Variants in NCOA1 observed in about 807,000 individuals in gnomAD.
The protein encoded by NCOA1 is nuclear receptor coactivator 1, also known as Hin-2 protein.
Under a neutral mutation model 150.9 loss-of-function variants are expected in NCOA1, and 35 were observed. The observed-to-expected ratio is 0.23, with a 90% CI of 0.18 to 0.31. NCOA1 has a LOEUF of 0.31. NCOA1 is among the 10% of genes least tolerant of loss of function. The pLI, the probability that NCOA1 is intolerant of heterozygous loss-of-function variation, is 1.00. For missense variants in NCOA1, 1,491 were observed against 1,749.3 expected, an observed-to-expected ratio of 0.85 and a Z score of 2.63; for synonymous variants, 590 against 630.0, an observed-to-expected ratio of 0.94 and a Z score of 0.95.
chr2:24,608,597 A>G (rs981060505), intron 3 of NCOA1, among the ~76,000 whole-genome samples: 3 of 151,350 alleles, frequency 2.0e-5, no homozygotes, highest in Admixed American at 1.3e-4. Context: ...TTGCATTACC[A>G]TGGTACATTT....
chr2:24,644,156 G>A (rs899807318), intron 4 of NCOA1, 34 bp downstream of exon 4: 3 of 152,150 alleles, frequency 2.0e-5, no homozygotes, highest in African/African-American at 7.2e-5. Context: ...AAAGAGCTTT[G>A]TCTCTGCAAA....
chr2:24,601,628 TTTTC>T (rs1235510780), intron 3 of NCOA1, among the ~76,000 whole-genome samples: 3 of 148,848 alleles, frequency 2.0e-5, no homozygotes, highest in African/African-American at 7.4e-5. Flanking sequence ...TTTTTTTTTG[TTTTC>T]TTTCTTTCTT....
intron 3 of NCOA1, among the ~76,000 whole-genome samples, chr2:24,636,330 T>C (rs978862996): frequency 6.6e-6 from 1 of 152,198 alleles, no homozygotes; most frequent in Non-Finnish European, 1.5e-5. Flanking sequence ...GTATTTTGTT[T>C]TTGATGCTAT....
At chr2:24,751,031 A>C (rs1347045093) in intron 19 of NCOA1, among the ~76,000 whole-genome samples, 2 of 147,586 alleles carry the variant, frequency 1.4e-5, no homozygotes, top group Admixed American at 6.8e-5. Context: ...TCTGTCACCC[A>C]GGGTGGTGTG....
chr2:24,691,969 A>G (rs570004218), intron 9 of NCOA1, among the ~76,000 whole-genome samples: 1 of 152,366 alleles, frequency 6.6e-6, no homozygotes, highest in East Asian at 1.9e-4. Context: ...CCAGTTGGAA[A>G]TGTACCAGAT....
chr2:24,491,485 G>C lies in NCOA1; in HGVS notation c.-513G>C, dbSNP rs1013401253. 1.2e-3 allele frequency among the ~76,000 whole-genome samples: 1 copy of C among 804 alleles called. No homozygotes were observed. The highest frequency in any genetic ancestry group is 0.013 in the Admixed American group (1 of 76). 0.5% of individuals were successfully genotyped at this position (804 alleles called of 152,430 possible). On this transcript the variant is annotated 5_prime_UTR_variant, in exon 1 of 23. Transcript: ENST00000348332. ...GCGGGGGGACCCCTGCTCCGGAGGA[G>C]GGGGCCGGAGAGCCGCGGCGCCGGG... is the stretch of plus-strand genomic sequence containing the variant.
intron 8 of NCOA1, among the ~76,000 whole-genome samples, chr2:24,691,043 C>G (rs769829628): frequency 6.6e-6 from 1 of 152,100 alleles, no homozygotes. Context: ...GGTGCACATC[C>G]ACACAAAAGC....
rs2148290325 is a variant in NCOA1 at position 24,575,082 on chromosome 2, T to A, written c.-259-9394T>A. 1.2e-4 allele frequency among the ~76,000 whole-genome samples: 6 copies of A among 48,188 alleles called. 1 individual carries two copies. The Admixed American group carries it at 2.2e-3, about 17-fold the overall frequency. The allele number at this position is 48,188 out of a possible 152,430, so 31.6% of individuals were successfully genotyped here. On this transcript the variant is annotated intron_variant, in intron 2 of 22. Transcript: ENST00000348332. ...ATTATTTCTTCAAGTATGTTTTTTA[T>A]CTTTTTTTTTCCTCTGTTTTTTGGA...
At chr2:24,589,938 C>T (rs1667582800) in intron 3 of NCOA1, among the ~76,000 whole-genome samples, 2 of 152,086 alleles carry the variant, frequency 1.3e-5, no homozygotes, top group South Asian at 4.1e-4. Context: ...CATATTTTTT[C>T]TAATTTATAT....
At chr2:24,597,574 T>G (rs1335724063) in intron 3 of NCOA1, among the ~76,000 whole-genome samples, 5 of 152,140 alleles carry the variant, frequency 3.3e-5, no homozygotes, top group Non-Finnish European at 7.4e-5. Flanking sequence ...GTCTGAAATC[T>G]GTAGAGTGGG....
chr2:24,747,837 T>TGGTTCATGCCTGTAATCCCAGC (rs1187602988), intron 19 of NCOA1, among the ~76,000 whole-genome samples: 1 of 152,022 alleles, frequency 6.6e-6, no homozygotes, highest in Non-Finnish European at 1.5e-5. Flanking sequence ...CTGGGCACAG[T>TGGTTCATGCCTGTAATCCCAGC]GGTTCATGCC....
intron 4 of NCOA1, among the ~76,000 whole-genome samples, chr2:24,653,605 A>C (rs895711817): frequency 1.3e-5 from 2 of 152,194 alleles, no homozygotes; most frequent in Admixed American, 6.5e-5. Flanking sequence ...TATTGGATAT[A>C]CAATAAAAAG....
intron 2 of NCOA1, among the ~76,000 whole-genome samples, chr2:24,569,525 G>A (rs896495811): frequency 1.0e-4 from 15 of 142,886 alleles, no homozygotes; most frequent in Admixed American, 4.9e-4. Context: ...GAGTTTGACC[G>A]TATCCTCAAA....
At chr2:24,670,674 T>C (rs1671643448) in intron 6 of NCOA1, among the ~76,000 whole-genome samples, 1 of 152,020 alleles carries the variant, frequency 6.6e-6, no homozygotes, top group African/African-American at 2.4e-5. Context: ...GACTTAGGGG[T>C]ATTGGAAAAA....
At position 24,711,104 on chromosome 2, in the gene NCOA1, G is replaced by A; in HGVS notation, c.2592G>A (p.Arg864=). The A allele has an allele frequency of 6.2e-7, 1 of 1,613,012 alleles. No homozygotes were observed. Among genetic ancestry groups the A allele is most frequent in the Non-Finnish European group, 8.5e-7 (1 of 1,179,598 alleles). The part of the protein sequence containing the change: ...LQSATARPTS[R]LNRLPELELE... ...CCGCCACTGCCAGACCCACTTCCAG[G>A]CTAAATAGTATGTTCTGGGGACAAC... is the stretch of plus-strand genomic sequence containing the variant. Residue 864 remains arginine (R), a synonymous_variant, in exon 14 of 23, where the codon AGG becomes AGA. Transcript: ENST00000348332.
intron 1 of NCOA1, among the ~76,000 whole-genome samples, chr2:24,548,963 T>C (rs1052748572): frequency 3.3e-5 from 5 of 152,262 alleles, no homozygotes; most frequent in Middle Eastern, 3.4e-3. Flanking sequence ...TGGAGGATGG[T>C]GGCCCTCTTC....
At chr2:24,567,105 G>A (rs1666546013) in intron 2 of NCOA1, among the ~76,000 whole-genome samples, 1 of 152,214 alleles carries the variant, frequency 6.6e-6, no homozygotes, top group Admixed American at 6.5e-5. Context: ...GACTGCCTCA[G>A]CTACAATAAA....
chr2:24,728,576 C>T, intron 16 of NCOA1, 100 bp downstream of exon 16: 2 of 990,440 alleles, frequency 2.0e-6, no homozygotes, highest in Non-Finnish European at 2.8e-6. Context: ...TATGCTTTAG[C>T]TGTTTTATAA....
At chr2:24,600,185 T>C (rs1290136211) in intron 3 of NCOA1, among the ~76,000 whole-genome samples, 1 of 152,266 alleles carries the variant, frequency 6.6e-6, no homozygotes, top group East Asian at 1.9e-4. Flanking sequence ...GGGAGCAGCA[T>C]TGCGATTATG....
Sources: allele counts gnomAD v4.1 joint callset (sites outside exome capture counted in the v4.1 genomes callset), GRCh38; gene constraint gnomAD v4.1.1; transcripts MANE v1.5; gene names NCBI Gene and HGNC (gene_info 2026-07-23, HGNC 2026-07-21).